SYT17: variants seen among roughly 807,000 people sequenced by gnomAD.
The protein encoded by SYT17 is synaptotagmin 17.
SYT17 carries 22 observed loss-of-function variants against 46.7 expected under a neutral mutation model. That is an observed-to-expected ratio of 0.47 (90% confidence interval 0.34 to 0.67). The LOEUF is 0.67. Among genes scored for constraint, SYT17 ranks in the 30% least tolerant of loss-of-function variants. SYT17 has a pLI of 0.01. For synonymous variants in SYT17, 251 were observed against 248.4 expected (o/e 1.01, Z -0.10); for missense variants, 519 against 612.8 (o/e 0.85, Z 1.62).
At chr16:19,222,524 C>T (rs1293776038) in intron 5 of SYT17, among the ~76,000 whole-genome samples, 3 of 129,364 alleles carry the variant, frequency 2.3e-5, no homozygotes, top group African/African-American at 1.1e-4. Flanking sequence ...GAACAGATTT[C>T]TCACTCAGTT....
chr16:19,249,007 G>T (rs112978791), intron 7 of SYT17, among the ~76,000 whole-genome samples: 15,052 of 152,188 alleles, frequency 0.099, 827 homozygotes, highest in African/African-American at 0.12. Flanking sequence ...CAGTGTGGTG[G>T]CTCACGCCTG....
At chr16:19,249,956 T>C (rs967186762) in intron 7 of SYT17, 157 of 1,535,942 alleles carry the variant, frequency 1.0e-4, no homozygotes, top group Middle Eastern at 3.3e-4. Flanking sequence ...AACAGCCCCA[T>C]ACCAGCCTGC....
chr16:19,207,643 G>A (rs1965724296), intron 5 of SYT17, among the ~76,000 whole-genome samples: 1 of 152,108 alleles, frequency 6.6e-6, no homozygotes, highest in Non-Finnish European at 1.5e-5. Context: ...CTCCCACCAG[G>A]CCTCACCTCC....
intron 7 of SYT17, among the ~76,000 whole-genome samples, chr16:19,228,204 A>T (rs1966561839): frequency 6.6e-6 from 1 of 152,140 alleles, no homozygotes; most frequent in Non-Finnish European, 1.5e-5. Flanking sequence ...CTACAAGGGT[A>T]GCCACACCAC....
Position 19,183,855 on chromosome 16 carries a change from C to A in SYT17, c.659C>A (p.Ser220Ter). 6.2e-7 allele frequency: 1 copy of A among 1,614,156 alleles called. No individual in the cohort carries two copies. The highest frequency in any genetic ancestry group is 8.5e-7 in the Non-Finnish European group (1 of 1,180,042). Residue 220 changes from serine to a stop codon, truncating the protein, a stop_gained, in exon 5 of 8, where the codon TCG becomes TAG. Coordinates refer to ENST00000355377, the MANE Select transcript of SYT17 (RefSeq NM_016524.4). LOFTEE classifies it high-confidence loss of function. This position sits in a 1 kb window ranked among gnomAD's most constrained non-coding sequence, Gnocchi z 5.6. ...DLPPPISHDG[S>*]RQDMAHSNPY... Reference sequence around the variant, plus strand: ...CCACCTCCCATCTCCCACGATGGCTCGCGCCAGGACATGGCGCACTCCAAC... The same window carrying A: ...CCACCTCCCATCTCCCACGATGGCTAGCGCCAGGACATGGCGCACTCCAAC...
At chr16:19,253,689 C>T (rs1968355889) in intron 7 of SYT17, among the ~76,000 whole-genome samples, 1 of 152,086 alleles carries the variant, frequency 6.6e-6, no homozygotes, top group Non-Finnish European at 1.5e-5. Flanking sequence ...TGTGCCTACC[C>T]TGGCCCTAGA....
intron 5 of SYT17, among the ~76,000 whole-genome samples, chr16:19,210,725 GT>G (rs1965867232): frequency 6.6e-6 from 1 of 152,196 alleles, no homozygotes; most frequent in African/African-American, 2.4e-5. Context: ...TTTTAATGTT[GT>G]TTGTGCAGCA....
intron 5 of SYT17, among the ~76,000 whole-genome samples, chr16:19,195,373 T>A (rs530199507): frequency 2.5e-4 from 38 of 151,784 alleles, no homozygotes; most frequent in South Asian, 4.1e-4. Context: ...AACCTTTTTT[T>A]AAAAATCAAA....
chr16:19,171,483 C>T (rs1183530252), intron 1 of SYT17: 1 of 152,162 alleles, frequency 6.6e-6, no homozygotes, highest in South Asian at 2.1e-4. Context: ...GCCACCACGC[C>T]TGGCTAATTT....
chr16:19,172,868 T>C lies in SYT17; in HGVS notation c.33+91T>C, dbSNP rs940822794. On this transcript the variant is annotated intron_variant, in intron 2 of 7. Transcript: ENST00000355377. ...AGTCTTATGTGGGGCTGTGGGGATA[T>C]TGAATATTCAACAATAACCTGGTGT... 9 of 1,475,018 alleles carry C rather than the reference T, an allele frequency of 6.1e-6. No homozygotes were observed. In the African/African-American group the frequency reaches 1.1e-4, roughly 18 times the overall value. 91.4% of individuals were successfully genotyped at this position (1,475,018 alleles called of 1,614,324 possible). A position where few individuals can be genotyped will look rare whatever the true frequency, so the allele number is the denominator to read the frequency against.
At chr16:19,250,634 A>G (rs1203269052) in intron 7 of SYT17, among the ~76,000 whole-genome samples, 1 of 152,048 alleles carries the variant, frequency 6.6e-6, no homozygotes, top group Non-Finnish European at 1.5e-5. Flanking sequence ...TCAGCCTCCC[A>G]TAGTGTTGGG....
chr16:19,249,982 C>G, intron 7 of SYT17: 1 of 1,535,982 alleles, frequency 6.5e-7, no homozygotes, highest in Non-Finnish European at 8.7e-7. Flanking sequence ...GAGTAGTCAC[C>G]CAGCTCATGG....
chr16:19,194,929 G>A (rs1382584330), intron 5 of SYT17, among the ~76,000 whole-genome samples: 1 of 152,178 alleles, frequency 6.6e-6, no homozygotes, highest in Non-Finnish European at 1.5e-5. Context: ...GGTATCTTTG[G>A]CACTTGGAAG....
At chr16:19,226,931 T>C (rs1309246293) in intron 7 of SYT17, among the ~76,000 whole-genome samples, 1 of 152,136 alleles carries the variant, frequency 6.6e-6, no homozygotes, top group Non-Finnish European at 1.5e-5. Flanking sequence ...AGTGACACCA[T>C]GAAAAGATGT....
At chr16:19,182,849 T>G (rs780186127) in intron 4 of SYT17, among the ~76,000 whole-genome samples, 10 of 152,252 alleles carry the variant, frequency 6.6e-5, no homozygotes, top group Non-Finnish European at 1.2e-4. Flanking sequence ...GGTCTGTGCC[T>G]ACGGGCACAT....
chr16:19,223,578 A>G (rs1966400838), intron 6 of SYT17, among the ~76,000 whole-genome samples: 1 of 152,244 alleles, frequency 6.6e-6, no homozygotes, highest in Admixed American at 6.5e-5. Flanking sequence ...AAGTGTGTAT[A>G]TTATAGCAAA....
At chr16:19,206,633 C>T (rs1965682601) in intron 5 of SYT17, among the ~76,000 whole-genome samples, 1 of 152,110 alleles carries the variant, frequency 6.6e-6, no homozygotes, top group Non-Finnish European at 1.5e-5. Context: ...GGAGAAACCA[C>T]CCCAGGCCTC....
intron 7 of SYT17, among the ~76,000 whole-genome samples, chr16:19,258,613 G>C (rs1003647512): frequency 6.6e-6 from 1 of 152,158 alleles, no homozygotes; most frequent in Non-Finnish European, 1.5e-5. Flanking sequence ...CTGCACTCCA[G>C]CCTGGGCGAC....
intron 3 of SYT17, 141 bp from the exon 4 acceptor site, chr16:19,180,250 A>G (rs1964492985): frequency 1.2e-6 from 1 of 829,776 alleles, no homozygotes; most frequent in South Asian, 1.7e-5. Context: ...TAAGGACACC[A>G]CACTGTCAAA....
Sources: allele counts gnomAD v4.1 joint callset (sites outside exome capture counted in the v4.1 genomes callset), GRCh38; gene constraint gnomAD v4.1.1; non-coding constraint Gnocchi (gnomAD v3.1); transcripts MANE v1.5; gene names NCBI Gene and HGNC (gene_info 2026-07-23, HGNC 2026-07-21).